CDC42SE2: variants seen among roughly 807,000 people sequenced by gnomAD.
CDC42SE2 encodes the protein CDC42 small effector protein 2.
Under a neutral mutation model 11.5 loss-of-function variants are expected in CDC42SE2, and 3 were observed. The ratio of observed to expected loss-of-function variants is 0.26; its 90% CI spans 0.12 to 0.67. The LOEUF is 0.67. Ranked by LOEUF, CDC42SE2 falls within the 30% of genes least tolerant of loss-of-function variation. The pLI is 0.80. For synonymous variants in CDC42SE2, 33 were observed against 34.8 expected, an observed-to-expected ratio of 0.95 and a Z score of 0.18; for missense variants, 82 against 106.8, an observed-to-expected ratio of 0.77 and a Z score of 1.02.
At chr5:131,247,886 C>T (rs1028308647) in intron 1 of CDC42SE2, among the ~76,000 whole-genome samples, 4 of 152,106 alleles carry the variant, frequency 2.6e-5, no homozygotes, top group Admixed American at 6.5e-5. Flanking sequence ...AGTGATCTTC[C>T]TGCCTTGGCC....
chr5:131,390,990 T>A lies in CDC42SE2; in HGVS notation c.157-3T>A. On this transcript the variant is annotated splice_polypyrimidine_tract_variant and splice_region_variant and intron_variant, in intron 4 of 4. Coordinates refer to ENST00000505065, the MANE Select transcript of CDC42SE2 (RefSeq NM_001375635.1). ...GTTTTGTTGTATTTTTGTCTTGTTT[T>A]AGGTTAGCTCCATTCAGAACCAAAT... 1 of 1,605,560 alleles carries A rather than the reference T, an allele frequency of 6.2e-7. No individual in the cohort carries two copies.
intron 1 of CDC42SE2, among the ~76,000 whole-genome samples, chr5:131,302,877 C>A (rs114829589): frequency 6.7e-6 from 1 of 149,076 alleles, no homozygotes; most frequent in Non-Finnish European, 1.5e-5. Flanking sequence ...TTAGAAATAG[C>A]TTCTTTCCCC....
At chr5:131,357,355 TG>T (rs1268554877) in intron 2 of CDC42SE2, among the ~76,000 whole-genome samples, 3 of 152,246 alleles carry the variant, frequency 2.0e-5, no homozygotes, top group Non-Finnish European at 4.4e-5. Context: ...ATTCATGCCT[TG>T]TTATACTACC....
At chr5:131,323,553 T>G (rs1758238401) in intron 2 of CDC42SE2, among the ~76,000 whole-genome samples, 1 of 135,834 alleles carries the variant, frequency 7.4e-6, no homozygotes, top group African/African-American at 3.0e-5. Context: ...TCTGGTTTTT[T>G]TTTTTTTTTT....
chr5:131,349,073 G>A lies in CDC42SE2; in HGVS notation c.-285-10136G>A, dbSNP rs1561594589. ...CCTAGGTAATACCATTCAGGACATA[G>A]GCATGGGCAAGGACTTCATGACTAA... is the stretch of plus-strand genomic sequence containing the variant. On this transcript the variant is annotated intron_variant, in intron 2 of 4. Transcript: ENST00000505065. 2.6e-5 allele frequency among the ~76,000 whole-genome samples: 4 copies of A among 152,224 alleles called. No homozygotes were observed. In the South Asian group the frequency reaches 6.2e-4, roughly 24 times the overall value.
At chr5:131,317,959 A>G (rs2149730761) in intron 2 of CDC42SE2, among the ~76,000 whole-genome samples, 1 of 151,614 alleles carries the variant, frequency 6.6e-6, no homozygotes, top group Admixed American at 6.6e-5. Flanking sequence ...TCTGTTGCCC[A>G]GGCTGGAGTG....
intron 2 of CDC42SE2, among the ~76,000 whole-genome samples, chr5:131,318,207 G>C (rs1758091687): frequency 6.6e-6 from 1 of 152,162 alleles, no homozygotes; most frequent in Non-Finnish European, 1.5e-5. Flanking sequence ...CCAAAGTGCG[G>C]GAACTGAAGG....
At chr5:131,363,003 G>A (rs972994361) in intron 3 of CDC42SE2, among the ~76,000 whole-genome samples, 1 of 152,036 alleles carries the variant, frequency 6.6e-6, no homozygotes, top group Non-Finnish European at 1.5e-5. Context: ...AAATTAGCCG[G>A]TGTGATGTTA....
At chr5:131,229,878 G>T in the CDC42SE2 span, among the ~76,000 whole-genome samples, 1 of 152,170 alleles carries the variant, frequency 6.6e-6, no homozygotes, top group Admixed American at 6.5e-5. Flanking sequence ...AGGTTGCAGT[G>T]AGTCAAGATT....
intron 3 of CDC42SE2, among the ~76,000 whole-genome samples, chr5:131,361,434 T>G (rs1749704894): frequency 6.6e-6 from 1 of 152,190 alleles, no homozygotes; most frequent in Non-Finnish European, 1.5e-5. Context: ...GCTTCTTCAG[T>G]GCCCTGCTGC....
chr5:131,265,916 T>G (rs1756848875), intron 1 of CDC42SE2, among the ~76,000 whole-genome samples: 1 of 152,218 alleles, frequency 6.6e-6, no homozygotes, highest in Admixed American at 6.5e-5. Context: ...TGTAATAACA[T>G]TTTCTGTTTT....
intron 3 of CDC42SE2, among the ~76,000 whole-genome samples, chr5:131,378,485 A>G (rs576998620): frequency 1.3e-5 from 2 of 152,298 alleles, no homozygotes; most frequent in African/African-American, 4.8e-5. Context: ...ATTTCAAAAA[A>G]CTAATGTAGC....
At chr5:131,249,164 T>C (rs1756620236) in intron 1 of CDC42SE2, among the ~76,000 whole-genome samples, 1 of 151,840 alleles carries the variant, frequency 6.6e-6, no homozygotes, top group South Asian at 2.1e-4. Flanking sequence ...ACTACAGGCA[T>C]ACACCACCAC....
intron 3 of CDC42SE2, among the ~76,000 whole-genome samples, chr5:131,374,795 G>A (rs573726026): frequency 1.3e-5 from 2 of 152,232 alleles, no homozygotes; most frequent in South Asian, 4.1e-4. Flanking sequence ...TTCACACAGT[G>A]ATGTGAAGGA....
At chr5:131,244,326 G>A (rs910551299), upstream of CDC42SE2, among the ~76,000 whole-genome samples, 1 of 152,198 alleles carries the variant, frequency 6.6e-6, no homozygotes, top group Non-Finnish European at 1.5e-5. Context: ...AAGAAGATTT[G>A]AACAATATGG....
At chr5:131,255,741 CAG>C (rs1244852306) in intron 2 of CDC42SE2, among the ~76,000 whole-genome samples, 2 of 151,872 alleles carry the variant, frequency 1.3e-5, no homozygotes, top group African/African-American at 4.8e-5. Context: ...GCCTGGGTGA[CAG>C]AGCAAGACTC....
intron 1 of CDC42SE2, among the ~76,000 whole-genome samples, chr5:131,248,007 A>C (rs2149682425): frequency 6.6e-6 from 1 of 152,164 alleles, no homozygotes; most frequent in Non-Finnish European, 1.5e-5. Context: ...CAATTTTTTA[A>C]ATAATTAAAA....
chr5:131,231,832 C>T, the CDC42SE2 span, among the ~76,000 whole-genome samples: 1 of 151,590 alleles, frequency 6.6e-6, no homozygotes, highest in Non-Finnish European at 1.5e-5. Flanking sequence ...CACTCTGTCG[C>T]CCAGGCTGGA....
the CDC42SE2 span, among the ~76,000 whole-genome samples, chr5:131,234,418 A>T: frequency 6.6e-6 from 1 of 152,136 alleles, no homozygotes; most frequent in Non-Finnish European, 1.5e-5. Flanking sequence ...CAGGTGGATC[A>T]CAAGGTCAGG....
Sources: gnomAD v4.1 joint callset for allele counts (sites outside exome capture counted in the v4.1 genomes callset) on GRCh38, gnomAD v4.1.1 for gene constraint, MANE v1.5 for transcripts, NCBI Gene and HGNC (gene_info 2026-07-23, HGNC 2026-07-21) for gene names.